The following ARID2 variants were observed in gnomAD, a reference collection of about 807,000 sequenced individuals.
The protein encoded by ARID2 is AT-rich interaction domain 2, also known as AT-rich interactive domain-containing protein 2.
ARID2 carries 32 observed loss-of-function variants against 184.6 expected under a neutral mutation model. The ratio of observed to expected loss-of-function variants is 0.17; its 90% CI spans 0.13 to 0.23. ARID2 has a LOEUF of 0.23. Among genes scored for constraint, ARID2 ranks in the 10% least tolerant of loss-of-function variants. The pLI, the probability that ARID2 is intolerant of heterozygous loss-of-function variation, is 1.00. For synonymous variants in ARID2, 836 were observed against 772.6 expected (o/e 1.08, Z -1.36); for missense variants, 1,696 against 2,197.6 (o/e 0.77, Z 4.56).
At chr12:45,765,374 T>A (rs1455451151) in intron 3 of ARID2, among the ~76,000 whole-genome samples, 1 of 152,132 alleles carries the variant, frequency 6.6e-6, no homozygotes, top group Non-Finnish European at 1.5e-5. Context: ...TCCTGGCTAA[T>A]TAAAAAGTAA....
intron 16 of ARID2, among the ~76,000 whole-genome samples, chr12:45,868,992 A>C (rs1320176019): frequency 6.6e-6 from 1 of 150,864 alleles, no homozygotes; most frequent in Non-Finnish European, 1.5e-5. Flanking sequence ...TTGCCAAGAA[A>C]GGCATGTTGG....
chr12:45,804,516 G>A (rs1204507646), intron 3 of ARID2, among the ~76,000 whole-genome samples: 2 of 151,628 alleles, frequency 1.3e-5, no homozygotes, highest in African/African-American at 4.8e-5. Flanking sequence ...GTGTCTGTAT[G>A]TAGTCTTTTT....
At chr12:45,779,501 C>T (rs953389251) in intron 3 of ARID2, among the ~76,000 whole-genome samples, 1 of 152,010 alleles carries the variant, frequency 6.6e-6, no homozygotes, top group African/African-American at 2.4e-5. Flanking sequence ...CATACCTGGA[C>T]TTTATCAATT....
At chr12:45,753,502 ATACAT>A (rs1565583318) in intron 3 of ARID2, among the ~76,000 whole-genome samples, 3 of 152,176 alleles carry the variant, frequency 2.0e-5, no homozygotes, top group African/African-American at 7.2e-5. Flanking sequence ...TGAGTGGTAA[ATACAT>A]TAGTATATGT....
chr12:45,767,942 G>A (rs1438554270), intron 3 of ARID2, among the ~76,000 whole-genome samples: 1 of 152,150 alleles, frequency 6.6e-6, no homozygotes, highest in African/African-American at 2.4e-5. Flanking sequence ...CCACTTTCCG[G>A]TGAAACTGGA....
rs376535008 is a variant in ARID2 at position 45,905,951 on chromosome 12, TC to T, written c.*874del. On this transcript the variant is annotated 3_prime_UTR_variant, in exon 21 of 21. Transcript: ENST00000334344. Reference sequence around the variant, plus strand: ...TTTTTTTCTTTTTTCTTTTTTTTTTTCTTTTTTTTTTTGTATTATACACCTT... The same window carrying T: ...TTTTTTTCTTTTTTCTTTTTTTTTTTTTTTTTTTTTTGTATTATACACCTT... 100 of 227,190 alleles carry T rather than the reference TC, an allele frequency of 4.4e-4. No individual in the cohort carries two copies. The highest frequency in any genetic ancestry group is 2.0e-3 in the African/African-American group (88 of 43,272). 14.1% of individuals were successfully genotyped at this position (227,190 alleles called of 1,614,324 possible). A position where few individuals can be genotyped will look rare whatever the true frequency, so the allele number is the denominator to read the frequency against.
intron 3 of ARID2, among the ~76,000 whole-genome samples, chr12:45,734,457 T>C (rs1054211088): frequency 6.6e-6 from 1 of 152,220 alleles, no homozygotes; most frequent in Non-Finnish European, 1.5e-5. Flanking sequence ...ATGTAGTTCC[T>C]TTTCTTGGCA....
At chr12:45,880,832 A>T (rs534784995) in intron 16 of ARID2, 275 of 157,524 alleles carry the variant, frequency 1.7e-3, no homozygotes, top group Non-Finnish European at 3.0e-3. Flanking sequence ...TAGTGTCCTT[A>T]ATCTTTGCAG....
intron 3 of ARID2, among the ~76,000 whole-genome samples, chr12:45,800,363 A>T (rs918379709): frequency 6.6e-6 from 1 of 152,204 alleles, no homozygotes; most frequent in African/African-American, 2.4e-5. Flanking sequence ...TTACTTTAGG[A>T]TTGAGCAAAT....
intron 3 of ARID2, among the ~76,000 whole-genome samples, chr12:45,796,851 C>G (rs1333139380): frequency 9.2e-5 from 14 of 152,204 alleles, no homozygotes; most frequent in Non-Finnish European, 1.5e-5. Context: ...AGAAAGATCT[C>G]TGAGATCAAA....
chr12:45,892,903 TGTAA>T (rs763982432), intron 18 of ARID2, among the ~76,000 whole-genome samples: 29 of 152,190 alleles, frequency 1.9e-4, no homozygotes, highest in Non-Finnish European at 3.7e-4. Context: ...ATTTAAGATA[TGTAA>T]GTAATAGTTG....
Position 45,850,755 on chromosome 12 carries a change from G to T in ARID2, c.2632G>T (p.Val878Phe), listed in dbSNP as rs765780561. 1 of 1,614,074 alleles carries T rather than the reference G, an allele frequency of 6.2e-7. No homozygotes were observed. Among genetic ancestry groups the T allele is most frequent in the African/African-American group, 1.3e-5 (1 of 75,008 alleles). Residue 878 changes from valine (V) to phenylalanine (F), a missense_variant, in exon 15 of 21, where the codon GTT (valine) becomes TTT (phenylalanine). By Grantham distance (50) the Val-to-Phe change is conservative. This residue lies in a region of ARID2 where 713 missense variants were observed against 824.4 expected (regional missense o/e 0.86). Transcript: ENST00000334344. ...TTTTCAGGTAGCTACAGGACAAATG[G>T]TTACTATTGCTGGTGTCCCAAGTCC... ...QNFQVATGQM[V>F]TIAGVPSPQA...
chr12:45,844,400 T>C (rs950077357), intron 11 of ARID2, among the ~76,000 whole-genome samples: 10 of 152,298 alleles, frequency 6.6e-5, no homozygotes, highest in Admixed American at 3.9e-4. Flanking sequence ...TCTTTGACAG[T>C]AGTTAAGGAG....
At chr12:45,837,742 T>C (rs2138133233) in intron 10 of ARID2, 35 bp downstream of exon 10, 1 of 1,591,008 alleles carries the variant, frequency 6.3e-7, no homozygotes, top group Non-Finnish European at 8.6e-7. Context: ...ATTTTCTTTA[T>C]TGAGTAAAAG....
Position 45,839,289 on chromosome 12 carries a change from A to T in ARID2, c.1331-40A>T, listed in dbSNP as rs775952372. 4.6e-6 allele frequency: 7 copies of T among 1,532,348 alleles called. No individual in the cohort carries two copies. In the South Asian group the frequency reaches 7.5e-5, roughly 16 times the overall value. 94.9% of individuals were successfully genotyped at this position (1,532,348 alleles called of 1,614,324 possible). On this transcript the variant is annotated intron_variant, in intron 10 of 20. Coordinates refer to ENST00000334344, the MANE Select transcript of ARID2 (RefSeq NM_152641.4). ...TCACCAGTGATGGCATTCATTTATA[A>T]TATTATTGACTAATAACTATTGCTT...
chr12:45,783,886 TAAGTTA>T (rs142543635), intron 3 of ARID2, among the ~76,000 whole-genome samples: 72,204 of 151,578 alleles, frequency 0.48, 17,382 homozygotes, highest in Admixed American at 0.55. Flanking sequence ...TCACTACTTT[TAAGTTA>T]AATAGGAAAG....
At chr12:45,826,509 G>A (rs1281630040) in intron 6 of ARID2, among the ~76,000 whole-genome samples, 3 of 151,792 alleles carry the variant, frequency 2.0e-5, no homozygotes, top group African/African-American at 4.8e-5. Context: ...CAATGTCCTC[G>A]GCCCAAGGGA....
At chr12:45,839,215 C>A in intron 10 of ARID2, 114 bp from the exon 11 acceptor site, 1 of 1,029,368 alleles carries the variant, frequency 9.7e-7, no homozygotes, top group Non-Finnish European at 1.4e-6. Context: ...TACTGTGATT[C>A]ATGGACTAGC....
At chr12:45,818,295 G>A (rs891443727) in intron 5 of ARID2, among the ~76,000 whole-genome samples, 5 of 152,058 alleles carry the variant, frequency 3.3e-5, no homozygotes, top group South Asian at 2.1e-4. Context: ...AATCATCAAC[G>A]TAAGGCTTAT....
Sources: gnomAD v4.1 joint callset for allele counts (sites outside exome capture counted in the v4.1 genomes callset) on GRCh38, gnomAD v4.1.1 for gene constraint, gnomAD v4.1.1 regional missense constraint, MANE v1.5 for transcripts, NCBI Gene and HGNC (gene_info 2026-07-23, HGNC 2026-07-21) for gene names.